TPX2: variants seen among roughly 807,000 people sequenced by gnomAD.
The protein encoded by TPX2 is TPX2 microtubule nucleation factor.
In TPX2, 21 loss-of-function variants were observed where a neutral mutation model predicts 93.6. That is an observed-to-expected ratio of 0.22 (90% CI 0.16 to 0.32). The LOEUF is 0.32. Ranked by LOEUF, TPX2 falls within the 10% of genes least tolerant of loss-of-function variation. The pLI, the probability that TPX2 is intolerant of heterozygous loss-of-function variation, is 1.00. For synonymous variants in TPX2, 281 were observed against 298.3 expected, an observed-to-expected ratio of 0.94 and a Z score of 0.60; for missense variants, 776 against 871.1, an observed-to-expected ratio of 0.89 and a Z score of 1.37.
At chr20:31,762,529 T>A (rs2061896311) in intron 4 of TPX2, among the ~76,000 whole-genome samples, 1 of 152,024 alleles carries the variant, frequency 6.6e-6, no homozygotes, top group Non-Finnish European at 1.5e-5. Context: ...TTTGTATTTT[T>A]AGTAGAGATG....
At chr20:31,757,662 T>A (rs1265482331) in intron 3 of TPX2, 80 bp downstream of exon 3, 1 of 1,098,432 alleles carries the variant, frequency 9.1e-7, no homozygotes, top group Non-Finnish European at 1.3e-6. Context: ...TAGAAGGGGT[T>A]GCAAGAAAAG....
intron 2 of TPX2, among the ~76,000 whole-genome samples, chr20:31,747,180 G>T (rs1391163957): frequency 6.6e-6 from 1 of 152,184 alleles, no homozygotes; most frequent in African/African-American, 2.4e-5. Flanking sequence ...GAGTGCAGCG[G>T]TGCAATCTCG....
At chr20:31,784,030 A>G (rs980521589) in intron 12 of TPX2, 109 bp downstream of exon 12, 40 of 1,171,624 alleles carry the variant, frequency 3.4e-5, no homozygotes, top group Non-Finnish European at 4.8e-5. Flanking sequence ...TCATATTAGG[A>G]ACTGCAGGTG....
rs940608779 is a variant in TPX2, at chr20:31,776,376, G to T, written c.730+388G>T. On this transcript the variant is annotated intron_variant, in intron 8 of 17. Coordinates refer to ENST00000300403, the MANE Select transcript of TPX2 (RefSeq NM_012112.5). ...ATTACAGGCGTGAGCCACCGCACCC[G>T]GCCAGTAGGTGTTTTTGAAGTCTCT... is the stretch of plus-strand genomic sequence containing the variant. Among the ~76,000 whole-genome samples the T allele has an allele frequency of 2.0e-5, 3 of 152,076 alleles. No homozygotes were observed. The East Asian group carries it at 5.8e-4, about 29-fold the overall frequency.
At chr20:31,798,643 G>A in intron 17 of TPX2, 91 bp downstream of exon 17, 1 of 1,398,090 alleles carries the variant, frequency 7.2e-7, no homozygotes, top group Non-Finnish European at 9.5e-7. Flanking sequence ...ATCTAAGGTA[G>A]CCCGCAAGGC....
At position 31,777,474 on chromosome 20, in the gene TPX2, G is replaced by T. The variant is rs753091107; in HGVS notation, c.731-13G>T. 6.2e-7 allele frequency: 1 copy of T among 1,612,910 alleles called. No individual in the cohort carries two copies. Among genetic ancestry groups the T allele is most frequent in the African/African-American group, 1.3e-5 (1 of 75,022 alleles). On this transcript the variant is annotated splice_polypyrimidine_tract_variant and intron_variant, in intron 8 of 17. Transcript: ENST00000300403. ...TAATGTTGTCTGTATGTTTTACTGT[G>T]TTCATCTCTCAGGGCAACCTGTGAA... is the stretch of plus-strand genomic sequence containing the variant.
chr20:31,763,721 A>AT (rs370520481), intron 4 of TPX2, among the ~76,000 whole-genome samples: 5,846 of 113,952 alleles, frequency 0.051, 169 homozygotes, highest in African/African-American at 0.11. Flanking sequence ...TTTAAATTTA[A>AT]TTTTTTTTTT....
At position 31,782,889 on chromosome 20, in the gene TPX2, T is replaced by TACACACAC. The variant is rs71926112; in HGVS notation, c.1196+535_1196+542dup. Among the ~76,000 whole-genome samples the TACACACAC allele has an allele frequency of 2.3e-3, 333 of 142,722 alleles. 2 individuals are homozygous for TACACACAC. The highest frequency in any genetic ancestry group is 7.0e-3 in the African/African-American group (267 of 38,352). The allele number at this position is 142,722 out of a possible 152,430, so 93.6% of individuals were successfully genotyped here. ...CGAGACTGTCTTGCACATACACACA[T>TACACACAC]ACACACACACACACACACACACACA... is the stretch of plus-strand genomic sequence containing the variant. On this transcript the variant is annotated intron_variant, in intron 11 of 17. Transcript: ENST00000300403.
intron 12 of TPX2, among the ~76,000 whole-genome samples, chr20:31,785,410 C>T (rs1240114578): frequency 6.6e-6 from 1 of 152,132 alleles, no homozygotes; most frequent in Non-Finnish European, 1.5e-5. Context: ...TTTAGTTTTA[C>T]ATACAAGATA....
intron 4 of TPX2, among the ~76,000 whole-genome samples, chr20:31,762,268 C>T (rs1426784620): frequency 6.6e-6 from 1 of 152,146 alleles, no homozygotes; most frequent in Non-Finnish European, 1.5e-5. Flanking sequence ...GCTTTTGTTG[C>T]CTATACTTTT....
intron 17 of TPX2, among the ~76,000 whole-genome samples, chr20:31,800,055 TG>T (rs1391329051): frequency 6.6e-6 from 1 of 152,022 alleles, no homozygotes; most frequent in African/African-American, 2.4e-5. Flanking sequence ...AAGAAAAGCG[TG>T]GGCAACATAG....
chr20:31,743,743 T>TC (rs1169378242), intron 2 of TPX2, among the ~76,000 whole-genome samples: 1 of 151,308 alleles, frequency 6.6e-6, no homozygotes, highest in Non-Finnish European at 1.5e-5. Context: ...TTTTTTTTTT[T>TC]GAGGCAGAGT....
chr20:31,770,636 C>T (rs1328132083), intron 6 of TPX2, among the ~76,000 whole-genome samples, 165 bp downstream of exon 6: 3 of 152,206 alleles, frequency 2.0e-5, no homozygotes, highest in Non-Finnish European at 4.4e-5. Context: ...ATGCCTAAAA[C>T]TGTGACCATG....
chr20:31,777,348 C>G, intron 8 of TPX2, 139 bp from the exon 9 acceptor site: 1 of 957,928 alleles, frequency 1.0e-6, no homozygotes, highest in Non-Finnish European at 1.5e-6. Context: ...AGGACTACTT[C>G]AAGTTTTGGG....
chr20:31,792,795 A>G lies in TPX2; in HGVS notation c.1474A>G (p.Lys492Glu). Residue 492 changes from lysine to glutamate, a missense_variant, in exon 13 of 18, where the codon AAG (lysine) becomes GAG (glutamate). By Grantham distance (56) the Lys-to-Glu change is moderately conservative. This residue lies in a region of TPX2 where 461 missense variants were observed against 551.2 expected (regional missense o/e 0.84). Transcript: ENST00000300403. ...TVPKSPAFAL[K>E]NRIRMPTKED... ...CCCCAAGTCACCAGCCTTTGCATTG[A>G]AGAACAGAATTCGAATGCCCACCAA... 6.2e-7 allele frequency: 1 copy of G among 1,614,222 alleles called. No individual in the cohort carries two copies. Among genetic ancestry groups the G allele is most frequent in the Non-Finnish European group, 8.5e-7 (1 of 1,180,032 alleles).
intron 4 of TPX2, among the ~76,000 whole-genome samples, chr20:31,765,299 T>G (rs529284813): frequency 1.6e-4 from 22 of 134,486 alleles, no homozygotes; most frequent in African/African-American, 6.4e-4. Context: ...TCTCTATTTA[T>G]ATAATATTGA....
chr20:31,780,038 A>G (rs2062023586), intron 10 of TPX2, among the ~76,000 whole-genome samples: 1 of 152,156 alleles, frequency 6.6e-6, no homozygotes, highest in Non-Finnish European at 1.5e-5. Flanking sequence ...TAAATTTTTT[A>G]TATCCTTGCA....
intron 2 of TPX2, among the ~76,000 whole-genome samples, chr20:31,753,474 T>C (rs2061832374): frequency 6.6e-6 from 1 of 152,216 alleles, no homozygotes; most frequent in South Asian, 2.1e-4. Flanking sequence ...CCATGATCCT[T>C]AGGATTTTTG....
At chr20:31,763,855 T>C (rs1165703663) in intron 4 of TPX2, among the ~76,000 whole-genome samples, 1 of 150,878 alleles carries the variant, frequency 6.6e-6, no homozygotes, top group African/African-American at 2.4e-5. Flanking sequence ...CTGTCTCTAC[T>C]GAAAAATACA....
Sources: allele counts gnomAD v4.1 joint callset (sites outside exome capture counted in the v4.1 genomes callset), GRCh38; gene constraint gnomAD v4.1.1; regional missense constraint gnomAD v4.1.1; transcripts MANE v1.5; gene names NCBI Gene and HGNC (gene_info 2026-07-23, HGNC 2026-07-21).